The following CALR3 variants were observed in gnomAD, a reference collection of about 807,000 sequenced individuals.
CALR3 encodes the protein calreticulin-3.
CALR3 carries 39 observed loss-of-function variants against 48.7 expected under a neutral mutation model. That is an observed-to-expected ratio of 0.80 (90% confidence interval 0.62 to 1.05). CALR3 has a LOEUF of 1.05. Among genes scored for constraint, CALR3 ranks in the 50% least tolerant of loss-of-function variants. CALR3 has a pLI of 0.00. For synonymous variants in CALR3, 185 were observed against 172.7 expected, an observed-to-expected ratio of 1.07 and a Z score of -0.56; for missense variants, 449 against 474.7, an observed-to-expected ratio of 0.95 and a Z score of 0.50.
chr19:16,488,332 C>T (rs958343542), intron 3 of CALR3, among the ~76,000 whole-genome samples: 9 of 152,316 alleles, frequency 5.9e-5, no homozygotes, highest in African/African-American at 2.2e-4. Context: ...AATCCTCCTG[C>T]CTGGCCTCCC....
chr19:16,495,271 A>C (rs954608954), intron 2 of CALR3, among the ~76,000 whole-genome samples: 1 of 151,068 alleles, frequency 6.6e-6, no homozygotes, highest in Non-Finnish European at 1.5e-5. Context: ...GCAATAAAGA[A>C]AGGAGAGAGG....
intron 5 of CALR3, chr19:16,483,627 A>C: frequency 3.5e-6 from 1 of 282,808 alleles, no homozygotes; most frequent in South Asian, 3.6e-5. Context: ...CTGAGGCAGG[A>C]GAATCACTTG....
Position 16,479,136 on chromosome 19 carries a change from G to T in CALR3, c.1150C>A (p.Leu384Ile). 1 of 1,614,116 alleles carries T rather than the reference G, an allele frequency of 6.2e-7. No homozygotes were observed. The highest frequency in any genetic ancestry group is 8.5e-7 in the Non-Finnish European group (1 of 1,180,012). ...YFNQFHRRNE[L>I] ...CTTATATCCAATGGGGATCACTAAA[G>T]TTCATTCCTTCTGTGAAATTGATTG... Residue 384 changes from leucine (L) to isoleucine (I), a missense_variant, in exon 9 of 9, where the codon CTT (leucine) becomes ATT (isoleucine). Transcript: ENST00000269881.
At position 16,482,690 on chromosome 19, in the gene CALR3, CT is replaced by C; in HGVS notation, c.773del (p.Lys258SerfsTer8). 6.2e-7 allele frequency: 1 copy of C among 1,614,140 alleles called. No homozygotes were observed. The highest frequency in any genetic ancestry group is 8.5e-7 in the Non-Finnish European group (1 of 1,180,016). On this transcript the variant is annotated frameshift_variant, in exon 6 of 9. Coordinates refer to ENST00000269881, the MANE Select transcript of CALR3 (RefSeq NM_145046.5). LOFTEE classifies it high-confidence loss of function. ...AGAGGCCACACACCTGGTACGGGGG[CT>C]TCTGGAGCATCGGCGCTGGCCAGTC... ...DGDWPAPMLQ[K>X]PPYQDGLKPE...
chr19:16,482,904 G>A (rs2093383382), intron 5 of CALR3, 119 bp from the exon 6 acceptor site: 1 of 909,790 alleles, frequency 1.1e-6, no homozygotes, highest in Admixed American at 2.0e-5. Flanking sequence ...GAGTGCGGTT[G>A]TGCAATCATG....
intron 3 of CALR3, among the ~76,000 whole-genome samples, chr19:16,485,848 A>ATACAG (rs150977607): frequency 2.0e-5 from 3 of 151,192 alleles, no homozygotes; most frequent in Non-Finnish European, 2.9e-5. Flanking sequence ...TAGTAGAGAC[A>ATACAG]GGTTTTGCCA....
chr19:16,492,501 C>T (rs1013628176), intron 2 of CALR3, among the ~76,000 whole-genome samples: 2 of 152,022 alleles, frequency 1.3e-5, no homozygotes, highest in African/African-American at 4.8e-5. Context: ...GAGGCCGAGG[C>T]GGGCGGATCA....
At chr19:16,481,452 T>G (rs2093380512) in intron 7 of CALR3, among the ~76,000 whole-genome samples, 3 of 150,766 alleles carry the variant, frequency 2.0e-5, no homozygotes, top group African/African-American at 7.3e-5. Context: ...TTTTTTTTTT[T>G]GAGACTTAGT....
At chr19:16,480,027 AC>A (rs1277246707) in intron 8 of CALR3, among the ~76,000 whole-genome samples, 7 of 151,000 alleles carry the variant, frequency 4.6e-5, no homozygotes, top group African/African-American at 1.7e-4. Flanking sequence ...ATATGGTGAA[AC>A]CCCGTCTCTA....
intron 7 of CALR3, 142 bp downstream of exon 7, chr19:16,482,308 G>A: frequency 2.4e-6 from 3 of 1,224,592 alleles, no homozygotes; most frequent in Non-Finnish European, 2.3e-6. Context: ...CTTGGGCCTA[G>A]TTTGAGGCTA....
intron 2 of CALR3, among the ~76,000 whole-genome samples, chr19:16,491,560 C>T (rs962468153): frequency 9.3e-5 from 14 of 151,066 alleles, no homozygotes; most frequent in Non-Finnish European, 7.4e-5. Flanking sequence ...AGGCGGATCA[C>T]GGGGTCAGGA....
In CALR3 at chr19:16,490,388, A is replaced by AT; in HGVS notation, c.375dup (p.Ser126IlefsTer15). ...TCACCAAACATAATATAGTACTGCG[A>AT]TTTTCCATTCAGGTTCTTCTGGTCA... On this transcript the variant is annotated frameshift_variant, in exon 3 of 9. Transcript: ENST00000269881. LOFTEE classifies it high-confidence loss of function. The AT allele has an allele frequency of 6.2e-7, 1 of 1,614,088 alleles. No individual in the cohort carries two copies. Among genetic ancestry groups the AT allele is most frequent in the Non-Finnish European group, 8.5e-7 (1 of 1,180,008 alleles).
At chr19:16,492,317 G>A (rs988890381) in intron 2 of CALR3, among the ~76,000 whole-genome samples, 4 of 152,094 alleles carry the variant, frequency 2.6e-5, no homozygotes, top group African/African-American at 7.2e-5. Flanking sequence ...TTAGCCGAGC[G>A]TAGTGGCGCG....
intron 7 of CALR3, among the ~76,000 whole-genome samples, chr19:16,482,197 C>T (rs1358799934): frequency 2.0e-5 from 3 of 151,662 alleles, no homozygotes; most frequent in East Asian, 3.9e-4. Context: ...AGTGAGCCAC[C>T]GCGCACAGCC....
At chr19:16,492,082 G>A (rs1342444635) in intron 2 of CALR3, among the ~76,000 whole-genome samples, 2 of 151,916 alleles carry the variant, frequency 1.3e-5, no homozygotes, top group Non-Finnish European at 2.9e-5. Context: ...ACTCACCTTG[G>A]CCTCCCAGAG....
intron 3 of CALR3, among the ~76,000 whole-genome samples, chr19:16,490,057 T>A (rs1376681882): frequency 3.9e-5 from 6 of 152,148 alleles, no homozygotes; most frequent in Non-Finnish European, 8.8e-5. Flanking sequence ...CCAAAAAAAA[T>A]TTCCAAAATC....
At chr19:16,485,059 G>C (rs977538176) in intron 4 of CALR3, 104 bp downstream of exon 4, 2 of 791,534 alleles carry the variant, frequency 2.5e-6, no homozygotes, top group Non-Finnish European at 4.3e-6. Flanking sequence ...TGTCTACAAA[G>C]ACCCATCCCT....
intron 4 of CALR3, 117 bp downstream of exon 4, chr19:16,485,046 G>A: frequency 2.8e-6 from 2 of 722,750 alleles, no homozygotes; most frequent in Non-Finnish European, 4.9e-6. Context: ...GAAACAGGAG[G>A]TATGTCTACA....
chr19:16,480,892 A>T (rs1599716737), intron 7 of CALR3, among the ~76,000 whole-genome samples, 186 bp from the exon 8 acceptor site: 1 of 151,974 alleles, frequency 6.6e-6, no homozygotes, highest in African/African-American at 2.4e-5. Context: ...GTGGTGGTTC[A>T]CACCTATAAT....
Sources: gnomAD v4.1 joint callset for allele counts (sites outside exome capture counted in the v4.1 genomes callset) on GRCh38, gnomAD v4.1.1 for gene constraint, MANE v1.5 for transcripts, NCBI Gene and HGNC (gene_info 2026-07-23, HGNC 2026-07-21) for gene names.